The following ISLR2 variants were observed in gnomAD, a reference collection of about 807,000 sequenced individuals.
ISLR2 encodes the protein immunoglobulin superfamily containing leucine-rich repeat protein 2.
Under a neutral mutation model 25.5 loss-of-function variants are expected in ISLR2, and 16 were observed. That is an observed-to-expected ratio of 0.63 (90% confidence interval 0.43 to 0.95). The LOEUF is 0.95. Among genes scored for constraint, ISLR2 ranks in the 40% least tolerant of loss-of-function variants. The probability of loss-of-function intolerance (pLI) is 0.00; values close to 1 mark genes in which losing one functional copy is unlikely to be tolerated. For synonymous variants in ISLR2, 508 were observed against 486.6 expected (o/e 1.04, Z -0.58); for missense variants, 883 against 1,030.7 (o/e 0.86, Z 1.96).
chr15:74,134,123 C>A lies in ISLR2; in HGVS notation c.1369C>A (p.Gln457Lys). The A allele has an allele frequency of 6.2e-7, 1 of 1,613,650 alleles. No homozygotes were observed. The highest frequency in any genetic ancestry group is 8.5e-7 in the Non-Finnish European group (1 of 1,179,874). ...DQILADPAEE[Q>K]RCGNGDPSRY... Reference sequence around the variant, plus strand: ...GATCCTCGCGGACCCGGCGGAGGAGCAGCGCTGTGGCAACGGGGACCCCTC... The same window carrying A: ...GATCCTCGCGGACCCGGCGGAGGAGAAGCGCTGTGGCAACGGGGACCCCTC... The change falls in exon 3 of 3, where the codon CAG (glutamine) becomes AAG (lysine). Residue 457 changes from glutamine (Q) to lysine (K), a missense_variant. Gln to Lys is a moderately conservative substitution (Grantham distance 53, BLOSUM62 1). Around this residue, in one of 2 missense-constraint regions of ISLR2, gnomAD observed 612 missense variants for 642.8 expected, o/e 0.95. Coordinates refer to ENST00000453268, the MANE Select transcript of ISLR2 (RefSeq NM_020851.3).
At chr15:74,116,143 G>A (rs976022453) in intron 2 of ISLR2, among the ~76,000 whole-genome samples, 11 of 152,232 alleles carry the variant, frequency 7.2e-5, no homozygotes, top group African/African-American at 2.7e-4. Flanking sequence ...GTTGCAGTGA[G>A]CTGTGATTGT....
Position 74,133,462 on chromosome 15 carries a change from T to C in ISLR2, c.708T>C (p.His236=), listed in dbSNP as rs1380956317. The C allele has an allele frequency of 6.2e-7, 1 of 1,612,320 alleles. No individual in the cohort carries two copies. The highest frequency in any genetic ancestry group is 1.1e-5 in the South Asian group (1 of 91,048). Residue 236 remains histidine, a synonymous_variant, in exon 3 of 3, where the codon CAT becomes CAC. Transcript: ENST00000453268. ...PALPCAPPSV[H]LSAEPPLEAP... Reference sequence around the variant, plus strand: ...TGCCCTGTGCACCGCCCAGCGTGCATCTGAGTGCCGAGCCACCGCTTGAAG... The same window carrying C: ...TGCCCTGTGCACCGCCCAGCGTGCACCTGAGTGCCGAGCCACCGCTTGAAG...
chr15:74,112,191 C>T (rs879135035), intron 2 of ISLR2, among the ~76,000 whole-genome samples: 1 of 152,174 alleles, frequency 6.6e-6, no homozygotes, highest in Admixed American at 6.5e-5. Context: ...ATCTATAACC[C>T]ATTCAATGCA....
At chr15:74,111,119 G>A (rs189309169) in intron 2 of ISLR2, among the ~76,000 whole-genome samples, 4 of 127,888 alleles carry the variant, frequency 3.1e-5, no homozygotes, top group African/African-American at 9.4e-5. Context: ...CAGCCTGGGC[G>A]ACAGAGGGAG....
At chr15:74,124,102 T>C (rs1358762404), upstream of ISLR2, among the ~76,000 whole-genome samples, 4 of 151,476 alleles carry the variant, frequency 2.6e-5, no homozygotes, top group Admixed American at 1.3e-4. Context: ...ACCCTGACTG[T>C]GATCTCAGAC....
chr15:74,127,925 C>A (rs937116985), upstream of ISLR2: 2 of 157,120 alleles, frequency 1.3e-5, no homozygotes, highest in African/African-American at 4.8e-5. Context: ...AAGCCTTAGT[C>A]TGGATTCGGC....
intron 2 of ISLR2, among the ~76,000 whole-genome samples, chr15:74,111,900 A>C (rs1468248181): frequency 6.6e-6 from 1 of 152,188 alleles, no homozygotes; most frequent in African/African-American, 2.4e-5. Context: ...TCTTGATTGT[A>C]GCAGTGGTTA....
rs780206482 is a variant in ISLR2 at position 74,133,126 on chromosome 15, G to A, written c.372G>A (p.Ala124=). 3.1e-6 allele frequency: 5 copies of A among 1,612,564 alleles called. No individual in the cohort carries two copies. In the African/African-American group the frequency reaches 5.3e-5, roughly 17 times the overall value. The change falls in exon 3 of 3, where the codon GCG becomes GCA. Residue 124 remains alanine (A), a synonymous_variant. Coordinates refer to ENST00000453268, the MANE Select transcript of ISLR2 (RefSeq NM_020851.3). ...FPWSDLRNLS[A]LQLLKMNHNR... is the part of the protein sequence containing the mutation. ...GGAGCGACCTGCGCAACCTGAGCGC[G>A]CTGCAGCTGCTCAAAATGAACCACA...
chr15:74,113,084 G>A (rs2072182366), intron 2 of ISLR2, among the ~76,000 whole-genome samples: 1 of 152,230 alleles, frequency 6.6e-6, no homozygotes, highest in African/African-American at 2.4e-5. Context: ...TCAGGCATTA[G>A]ATTCTCATAA....
intron 2 of ISLR2, among the ~76,000 whole-genome samples, chr15:74,120,557 G>A (rs1006912704): frequency 1.5e-4 from 22 of 151,498 alleles, no homozygotes; most frequent in African/African-American, 4.9e-4. Context: ...ACCAACCCAC[G>A]GGGAGGCAGA....
chr15:74,129,208 G>A (rs2072351690), upstream of ISLR2: 3 of 371,786 alleles, frequency 8.1e-6, no homozygotes, highest in South Asian at 6.0e-5. This position sits in a 1 kb window ranked among gnomAD's most constrained non-coding sequence, Gnocchi z 4.5. Flanking sequence ...GCGACGGCAG[G>A]AGTAGGGGAG....
upstream of ISLR2, chr15:74,128,727 G>A (rs1322187942): frequency 8.9e-6 from 4 of 451,134 alleles, no homozygotes. Context: ...AAGTCCCCTG[G>A]ACACGCCATG....
In ISLR2 at chr15:74,136,511, GAA is replaced by G. The variant is rs1340205821; in HGVS notation, c.*1522_*1523del. ...TCCCTGACAAGCGTGCCCTGTAGGA[GAA>G]AAGTCTGTGTCCTGTGAAGTGTGAC... is the stretch of plus-strand genomic sequence containing the variant. On this transcript the variant is annotated 3_prime_UTR_variant, in exon 3 of 3. Coordinates refer to ENST00000453268, the MANE Select transcript of ISLR2 (RefSeq NM_020851.3). The G allele has an allele frequency of 6.6e-6, 1 of 151,590 alleles. No individual in the cohort carries two copies. The highest frequency in any genetic ancestry group is 2.6e-5 in the African/African-American group (1 of 38,832). The allele number at this position is 151,590 out of a possible 1,614,324, so 9.4% of individuals were successfully genotyped here.
chr15:74,118,362 A>C (rs1023447918), intron 2 of ISLR2, among the ~76,000 whole-genome samples: 1 of 152,228 alleles, frequency 6.6e-6, no homozygotes, highest in Non-Finnish European at 1.5e-5. Flanking sequence ...TCACAGGACC[A>C]CAGGACCGGG....
intron 2 of ISLR2, among the ~76,000 whole-genome samples, chr15:74,104,618 A>G (rs1479244959): frequency 6.6e-6 from 1 of 152,126 alleles, no homozygotes; most frequent in Non-Finnish European, 1.5e-5. Context: ...CCACATCTCT[A>G]CTAAAAATTA....
At chr15:74,128,476 C>T (rs556963154), upstream of ISLR2, 10 of 456,586 alleles carry the variant, frequency 2.2e-5, no homozygotes, top group South Asian at 1.4e-4. Context: ...GCTTCTGCAA[C>T]CCTGTCAAGA....
downstream of ISLR2, among the ~76,000 whole-genome samples, chr15:74,139,630 C>T (rs2072600057): frequency 6.6e-6 from 1 of 152,152 alleles, no homozygotes; most frequent in Non-Finnish European, 1.5e-5. Flanking sequence ...GCCTGGGTTC[C>T]ACCCCTCAGG....
Position 74,134,871 on chromosome 15 carries a change from C to T in ISLR2, c.2117C>T (p.Ser706Phe). Residue 706 changes from serine (S) to phenylalanine (F), a missense_variant, in exon 3 of 3, where the codon TCC (serine) becomes TTC (phenylalanine). Transcript: ENST00000453268. The part of the protein sequence containing the change: ...LAACSLVESQ[S>F]KANQEEFEAG... ...GCCTGCTCACTGGTGGAGTCCCAGT[C>T]CAAGGCCAACCAAGAGGAGTTCGAG... 6.2e-7 allele frequency: 1 copy of T among 1,614,120 alleles called. No individual in the cohort carries two copies. The highest frequency in any genetic ancestry group is 8.5e-7 in the Non-Finnish European group (1 of 1,180,026).
Position 74,132,428 on chromosome 15 carries a change from C to T in ISLR2, c.-8-319C>T, listed in dbSNP as rs992084770. Among the ~76,000 whole-genome samples the T allele has an allele frequency of 1.1e-4, 16 of 151,992 alleles. No individual in the cohort carries two copies. The highest frequency in any genetic ancestry group is 3.9e-4 in the African/African-American group (16 of 41,366). On this transcript the variant is annotated intron_variant, in intron 2 of 2. Transcript: ENST00000453268. This position sits in a 1 kb window ranked among gnomAD's most constrained non-coding sequence, Gnocchi z 4.3. ...AGGCTTAGAAACACAGAGAGGGGTACGTGAGGAGCCCGCTGGAGATGGGCG... is the reference window on the plus strand; with the variant it reads ...AGGCTTAGAAACACAGAGAGGGGTATGTGAGGAGCCCGCTGGAGATGGGCG...
Sources: gnomAD v4.1 joint callset for allele counts (sites outside exome capture counted in the v4.1 genomes callset) on GRCh38, gnomAD v4.1.1 for gene constraint, gnomAD v4.1.1 regional missense constraint, Gnocchi (gnomAD v3.1) non-coding constraint, MANE v1.5 for transcripts, NCBI Gene and HGNC (gene_info 2026-07-23, HGNC 2026-07-21) for gene names.